The following MGA variants were observed in gnomAD, a reference collection of about 807,000 sequenced individuals.
The protein encoded by MGA is MAX gene-associated protein.
Under a neutral mutation model 261.1 loss-of-function variants are expected in MGA, and 40 were observed. The observed-to-expected ratio is 0.15, with a 90% CI of 0.12 to 0.20. The LOEUF is 0.20. Among genes scored for constraint, MGA ranks in the 10% least tolerant of loss-of-function variants. MGA has a pLI of 1.00. For missense variants in MGA, 3,397 were observed against 3,630.5 expected, an observed-to-expected ratio of 0.94 and a Z score of 1.65; for synonymous variants, 1,302 against 1,290.6, an observed-to-expected ratio of 1.01 and a Z score of -0.19.
At chr15:41,759,555 G>A (rs1028671849) in intron 19 of MGA, among the ~76,000 whole-genome samples, 1 of 150,234 alleles carries the variant, frequency 6.7e-6, no homozygotes, top group Non-Finnish European at 1.5e-5. Context: ...CCCTACCTTG[G>A]CGTCCAAAAG....
intron 11 of MGA, among the ~76,000 whole-genome samples, chr15:41,730,916 G>A (rs2061476294): frequency 6.6e-6 from 1 of 152,170 alleles, no homozygotes; most frequent in Admixed American, 6.5e-5. Context: ...CGCTGAGGCT[G>A]TGAAAAGAAG....
intron 1 of MGA, among the ~76,000 whole-genome samples, chr15:41,624,755 C>T (rs2036503318): frequency 6.6e-6 from 1 of 152,192 alleles, no homozygotes; most frequent in Non-Finnish European, 1.5e-5. Flanking sequence ...CAGGAGTGAG[C>T]CACTGCTCCT....
At chr15:41,663,697 C>T (rs1267838526) in intron 1 of MGA, among the ~76,000 whole-genome samples, 1 of 152,054 alleles carries the variant, frequency 6.6e-6, no homozygotes, top group Non-Finnish European at 1.5e-5. Flanking sequence ...TCTTGAACTC[C>T]TGACATCAGG....
At chr15:41,706,553 A>G (rs991213156) in intron 5 of MGA, among the ~76,000 whole-genome samples, 5 of 148,800 alleles carry the variant, frequency 3.4e-5, no homozygotes, top group African/African-American at 1.2e-4. Context: ...TGGCTTTACT[A>G]TGATACTTAA....
intron 12 of MGA, among the ~76,000 whole-genome samples, chr15:41,735,510 G>T (rs2061726163): frequency 6.6e-6 from 1 of 152,172 alleles, no homozygotes; most frequent in Non-Finnish European, 1.5e-5. Context: ...GGCCGAGGCG[G>T]GTGGATCATG....
At chr15:41,624,624 A>T (rs1313824018) in intron 1 of MGA, among the ~76,000 whole-genome samples, 1 of 151,568 alleles carries the variant, frequency 6.6e-6, no homozygotes, top group African/African-American at 2.4e-5. Flanking sequence ...GAGCCACCGC[A>T]CCTGGCTGAT....
chr15:41,718,714 A>G (rs1050330277), intron 9 of MGA: 20 of 203,030 alleles, frequency 9.9e-5, no homozygotes, highest in Non-Finnish European at 3.0e-5. Flanking sequence ...GATTGACAAA[A>G]TTCATTTCTG....
At chr15:41,745,963 A>G (rs1202653923) in intron 15 of MGA, among the ~76,000 whole-genome samples, 1 of 152,230 alleles carries the variant, frequency 6.6e-6, no homozygotes, top group Non-Finnish European at 1.5e-5. Context: ...GACCTGACTC[A>G]GGTAACTGCT....
intron 5 of MGA, among the ~76,000 whole-genome samples, chr15:41,700,726 G>A (rs940498604): frequency 1.1e-4 from 17 of 152,108 alleles, no homozygotes; most frequent in Non-Finnish European, 2.5e-4. Flanking sequence ...GTTTTGGGGT[G>A]TAATGAAAAA....
intron 15 of MGA, among the ~76,000 whole-genome samples, chr15:41,746,840 A>G (rs1179167932): frequency 6.6e-6 from 1 of 150,974 alleles, no homozygotes; most frequent in Non-Finnish European, 1.5e-5. Flanking sequence ...AGTTTTATTT[A>G]TTAATGTTAA....
chr15:41,749,554 T>C lies in MGA; in HGVS notation c.5947T>C (p.Ser1983Pro), dbSNP rs1483336856. 1 of 1,613,682 alleles carries C rather than the reference T, an allele frequency of 6.2e-7. No homozygotes were observed. The highest frequency in any genetic ancestry group is 1.7e-5 in the Admixed American group (1 of 59,988). Reference sequence around the variant, plus strand: ...TCCAGACCAGAAAGATGAAACAAACTCAATAAAAAGAGAGCAAGAAACGAA... The same window carrying C: ...TCCAGACCAGAAAGATGAAACAAACCCAATAAAAAGAGAGCAAGAAACGAA... The change falls in exon 17 of 24, where the codon TCA becomes CCA. Residue 1983 changes from serine (S) to proline (P), a missense_variant. Ser to Pro is a moderately conservative substitution (Grantham distance 74). Coordinates refer to ENST00000219905, the MANE Select transcript of MGA (RefSeq NM_001164273.2).
chr15:41,769,782 T>C lies in MGA; in HGVS notation c.*2502T>C, dbSNP rs148895334. Reference sequence around the variant, plus strand: ...TGGAATGTTTTTAAGAATATAATTATGTCAGATTTAGCATTTTCTTTTATA... The same window carrying C: ...TGGAATGTTTTTAAGAATATAATTACGTCAGATTTAGCATTTTCTTTTATA... On this transcript the variant is annotated 3_prime_UTR_variant, in exon 24 of 24. Coordinates refer to ENST00000219905, the MANE Select transcript of MGA (RefSeq NM_001164273.2). The C allele has an allele frequency of 2.4e-4, 36 of 152,754 alleles. No homozygotes were observed. In the East Asian group the frequency reaches 6.9e-3, roughly 29 times the overall value. The allele number at this position is 152,754 out of a possible 1,614,324, so 9.5% of individuals were successfully genotyped here. A position where few individuals can be genotyped will look rare whatever the true frequency, so the allele number is the denominator to read the frequency against.
intron 2 of MGA, among the ~76,000 whole-genome samples, chr15:41,670,456 T>C (rs544358661): frequency 6.6e-6 from 1 of 152,136 alleles, no homozygotes; most frequent in South Asian, 2.1e-4. Context: ...AAGATGTTGG[T>C]CAAAGGGTAC....
chr15:41,676,633 G>T (rs1022651404), intron 2 of MGA, among the ~76,000 whole-genome samples: 2 of 152,024 alleles, frequency 1.3e-5, no homozygotes, highest in Non-Finnish European at 2.9e-5. Flanking sequence ...TATTTAATCA[G>T]TTCTGTGTTG....
Position 41,749,428 on chromosome 15 carries a change from T to C in MGA, c.5821T>C (p.Ser1941Pro), listed in dbSNP as rs1484572137. The C allele has an allele frequency of 1.9e-6, 3 of 1,614,014 alleles. No individual in the cohort carries two copies. The highest frequency in any genetic ancestry group is 2.2e-5 in the South Asian group (2 of 91,080). The change falls in exon 17 of 24, where the codon TCT (serine) becomes CCT (proline). Residue 1941 changes from serine (S) to proline (P), a missense_variant. Transcript: ENST00000219905. ...TACAGCCAGTCTTATTCCTCTCCAG[T>C]CTGGTAGTTTTGCCTTGTTACAGCT...
intron 17 of MGA, 84 bp from the exon 18 acceptor site, chr15:41,754,353 T>C: frequency 7.4e-7 from 1 of 1,357,978 alleles, no homozygotes; most frequent in Non-Finnish European, 9.8e-7. Flanking sequence ...CATTAGTTGG[T>C]TTTATAAGGG....
chr15:41,642,593 C>T (rs549063875), intron 1 of MGA, among the ~76,000 whole-genome samples: 1 of 152,222 alleles, frequency 6.6e-6, no homozygotes, highest in African/African-American at 2.4e-5. Flanking sequence ...AAGCGATTCT[C>T]CTGTCTCAGC....
intron 2 of MGA, among the ~76,000 whole-genome samples, chr15:41,673,202 T>C (rs896260068): frequency 6.6e-6 from 1 of 152,084 alleles, no homozygotes; most frequent in Non-Finnish European, 1.5e-5. Context: ...CTCGTAGTCC[T>C]TAGTTTTTCT....
At chr15:41,712,881 G>A (rs1189174584) in intron 8 of MGA, among the ~76,000 whole-genome samples, 2 of 152,104 alleles carry the variant, frequency 1.3e-5, no homozygotes, top group African/African-American at 2.4e-5. Flanking sequence ...CTCAACCTTT[G>A]TTAATCTTTG....
Sources: allele counts gnomAD v4.1 joint callset (sites outside exome capture counted in the v4.1 genomes callset), GRCh38; gene constraint gnomAD v4.1.1; transcripts MANE v1.5; gene names NCBI Gene and HGNC (gene_info 2026-07-23, HGNC 2026-07-21).